The following LRP1B variants were observed in gnomAD, a reference collection of about 807,000 sequenced individuals.
The protein encoded by LRP1B is LDL receptor related protein 1B, also known as low-density lipoprotein receptor-related protein 1B.
LRP1B carries 217 observed loss-of-function variants against 556.6 expected under a neutral mutation model. The ratio of observed to expected loss-of-function variants is 0.39; its 90% confidence interval spans 0.35 to 0.44. The LOEUF (loss-of-function observed/expected upper bound fraction) is 0.44, where lower values mean the gene tolerates loss of function less well. Among genes scored for constraint, LRP1B ranks in the 20% least tolerant of loss-of-function variants. The pLI is 1.00. For synonymous variants in LRP1B, 2,047 were observed against 1,865.8 expected (o/e 1.10, Z -2.50); for missense variants, 5,053 against 5,620.8 (o/e 0.90, Z 3.23).
rs1158538083 is a variant in LRP1B, at chr2:141,515,376, A to G, written c.206-34843T>C. On this transcript the variant is annotated intron_variant, in intron 2 of 90. Transcript: ENST00000389484. ...AAACATTCATGACCAAATCTCCTGC[A>G]GTCCCATCAGAGCAGAGTTAAAGTT... is the stretch of plus-strand genomic sequence containing the variant. Among the ~76,000 whole-genome samples the G allele has an allele frequency of 1.3e-5, 2 of 152,110 alleles. 1 individual carries two copies. The highest frequency in any genetic ancestry group is 2.9e-5 in the Non-Finnish European group (2 of 68,008).
chr2:141,549,076 A>T (rs1433065151), intron 2 of LRP1B, among the ~76,000 whole-genome samples: 1 of 152,172 alleles, frequency 6.6e-6, no homozygotes, highest in African/African-American at 2.4e-5. Flanking sequence ...TCAATGGAAA[A>T]TTACGTTATA....
chr2:140,983,107 C>T (rs1303647439), intron 17 of LRP1B, among the ~76,000 whole-genome samples: 4 of 152,188 alleles, frequency 2.6e-5, no homozygotes, highest in African/African-American at 9.6e-5. Context: ...GCTTAAATAG[C>T]TTCCCTGCCT....
chr2:141,654,183 T>A (rs901326935), intron 2 of LRP1B, among the ~76,000 whole-genome samples: 1 of 152,178 alleles, frequency 6.6e-6, no homozygotes, highest in Non-Finnish European at 1.5e-5. Flanking sequence ...GACCTTAAAT[T>A]GCAAAGGAGA....
At chr2:140,874,969 G>A (rs147241505) in intron 25 of LRP1B, among the ~76,000 whole-genome samples, 1 of 151,370 alleles carries the variant, frequency 6.6e-6, no homozygotes, top group Admixed American at 6.6e-5. Context: ...AGTGAGCTGA[G>A]ATCGTGCCAT....
At chr2:140,705,455 C>A (rs538679846) in intron 37 of LRP1B, among the ~76,000 whole-genome samples, 2 of 132,856 alleles carry the variant, frequency 1.5e-5, no homozygotes, top group Admixed American at 8.9e-5. Context: ...ACCCGGGACA[C>A]AGAGTCCGCA....
At chr2:141,597,682 T>C (rs1333699245) in intron 2 of LRP1B, among the ~76,000 whole-genome samples, 1 of 152,102 alleles carries the variant, frequency 6.6e-6, no homozygotes, top group Non-Finnish European at 1.5e-5. Flanking sequence ...CTGGATCCTT[T>C]ATTGGAAGAT....
intron 1 of LRP1B, among the ~76,000 whole-genome samples, chr2:142,011,175 A>G (rs1253447181): frequency 2.6e-5 from 4 of 152,198 alleles, no homozygotes; most frequent in Non-Finnish European, 5.9e-5. Context: ...GACTAAAAAT[A>G]TCTCTGAGTT....
intron 4 of LRP1B, among the ~76,000 whole-genome samples, chr2:141,249,297 T>C (rs1684179437): frequency 6.6e-6 from 1 of 152,064 alleles, no homozygotes; most frequent in Non-Finnish European, 1.5e-5. Flanking sequence ...GAAAGGGCAG[T>C]CAAGAAAGAG....
At chr2:142,065,704 G>A (rs769629694) in intron 1 of LRP1B, among the ~76,000 whole-genome samples, 41 of 151,290 alleles carry the variant, frequency 2.7e-4, no homozygotes, top group Non-Finnish European at 5.2e-4. Flanking sequence ...CATGTTACTC[G>A]TTTGGCCTCA....
intron 1 of LRP1B, among the ~76,000 whole-genome samples, chr2:141,924,006 G>A (rs1700268616): frequency 6.6e-6 from 1 of 152,024 alleles, no homozygotes; most frequent in Non-Finnish European, 1.5e-5. Flanking sequence ...GAAATACTGG[G>A]TAGAAGAGGG....
chr2:140,732,472 TA>T (rs1356094195), intron 35 of LRP1B, among the ~76,000 whole-genome samples: 2 of 152,086 alleles, frequency 1.3e-5, no homozygotes, highest in African/African-American at 4.8e-5. Flanking sequence ...AAACAGGCTT[TA>T]AAAAACTCTT....
At chr2:141,896,225 A>T (rs2104924511) in intron 1 of LRP1B, among the ~76,000 whole-genome samples, 1 of 152,270 alleles carries the variant, frequency 6.6e-6, no homozygotes, top group African/African-American at 2.4e-5. Flanking sequence ...AGTTTTTCAA[A>T]CTCACCGGGT....
At chr2:141,118,616 A>T (rs1249968652) in intron 7 of LRP1B, among the ~76,000 whole-genome samples, 1 of 151,946 alleles carries the variant, frequency 6.6e-6, no homozygotes, top group Non-Finnish European at 1.5e-5. Context: ...CAATGGCCTA[A>T]TAAGAACAAT....
At chr2:140,739,032 T>G (rs1454767059) in intron 35 of LRP1B, among the ~76,000 whole-genome samples, 1 of 152,194 alleles carries the variant, frequency 6.6e-6, no homozygotes, top group Non-Finnish European at 1.5e-5. Flanking sequence ...GTGGAGCATG[T>G]GCAGCATGGT....
chr2:140,242,910 A>G (rs1681012187), intron 87 of LRP1B, among the ~76,000 whole-genome samples: 1 of 151,124 alleles, frequency 6.6e-6, no homozygotes, highest in Non-Finnish European at 1.5e-5. Context: ...TTAGGAAGGA[A>G]CATCTACTGA....
At chr2:141,487,658 A>T (rs1683170956) in intron 2 of LRP1B, among the ~76,000 whole-genome samples, 1 of 152,116 alleles carries the variant, frequency 6.6e-6, no homozygotes, top group Non-Finnish European at 1.5e-5. Flanking sequence ...CCCTCCCAAA[A>T]TACACCAAAT....
intron 10 of LRP1B, among the ~76,000 whole-genome samples, chr2:141,049,782 G>T (rs1400297345): frequency 6.6e-6 from 1 of 151,970 alleles, no homozygotes; most frequent in African/African-American, 2.4e-5. Flanking sequence ...TTAAATACCA[G>T]TTATAGCATC....
chr2:140,440,167 A>C (rs1686363969), intron 66 of LRP1B, among the ~76,000 whole-genome samples: 1 of 152,208 alleles, frequency 6.6e-6, no homozygotes, highest in South Asian at 2.1e-4. Flanking sequence ...GGTAACAACT[A>C]GGTGAACTCC....
chr2:140,345,877 TA>T (rs541391350), intron 77 of LRP1B, among the ~76,000 whole-genome samples: 2,203 of 142,902 alleles, frequency 0.015, 55 homozygotes, highest in Middle Eastern at 0.04. Flanking sequence ...TATATATATA[TA>T]AAAAAAATAG....
Sources: allele counts gnomAD v4.1 joint callset (sites outside exome capture counted in the v4.1 genomes callset), GRCh38; gene constraint gnomAD v4.1.1; transcripts MANE v1.5; gene names NCBI Gene and HGNC (gene_info 2026-07-23, HGNC 2026-07-21).